The following SLC35D1 variants were observed in gnomAD, a reference collection of about 807,000 sequenced individuals.
The protein encoded by SLC35D1 is solute carrier family 35 member D1.
SLC35D1 carries 31 observed loss-of-function variants against 46.7 expected under a neutral mutation model. That is an observed-to-expected ratio of 0.66 (90% CI 0.50 to 0.90). SLC35D1 has a LOEUF of 0.90. Ranked by LOEUF, SLC35D1 falls within the 40% of genes least tolerant of loss-of-function variation. The pLI is 0.00. For missense variants in SLC35D1, 397 were observed against 426.2 expected, an observed-to-expected ratio of 0.93 and a Z score of 0.60; for synonymous variants, 195 against 164.6, an observed-to-expected ratio of 1.18 and a Z score of -1.41.
chr1:67,051,156 G>A (rs961481175), intron 4 of SLC35D1, among the ~76,000 whole-genome samples: 4 of 152,156 alleles, frequency 2.6e-5, no homozygotes, highest in Non-Finnish European at 5.9e-5. Flanking sequence ...GGAAAAAAAT[G>A]TCCCACCCAT....
At position 67,004,043 on chromosome 1, in the gene SLC35D1, A is replaced by G. The variant is rs1425851320; in HGVS notation, c.*297T>C. On this transcript the variant is annotated 3_prime_UTR_variant, in exon 12 of 12. Coordinates refer to ENST00000235345, the MANE Select transcript of SLC35D1 (RefSeq NM_015139.3). The stretch of plus-strand genomic sequence containing the variant: ...CCTGGATATCAAATTATGAAATAAA[A>G]TACTTTCAAAACACTGATGTTTCAC... 4 of 332,186 alleles carry G rather than the reference A, an allele frequency of 1.2e-5. No individual in the cohort carries two copies. The highest frequency in any genetic ancestry group is 8.5e-5 in the African/African-American group (4 of 47,184). The allele number at this position is 332,186 out of a possible 1,614,324, so 20.6% of individuals were successfully genotyped here.
At chr1:66,993,396 CAA>C in the SLC35D1 span, among the ~76,000 whole-genome samples, 12 of 152,202 alleles carry the variant, frequency 7.9e-5, no homozygotes, top group Non-Finnish European at 5.9e-5. Context: ...GGACTGAAGA[CAA>C]GAGTCCCTCT....
chr1:67,050,543 A>G, intron 4 of SLC35D1, 39 bp from the exon 5 acceptor site: 4 of 1,547,150 alleles, frequency 2.6e-6, no homozygotes, highest in Non-Finnish European at 3.6e-6. Flanking sequence ...ATAGAATTTA[A>G]CAATTTGTTT....
At chr1:66,989,208 A>AT in the SLC35D1 span, among the ~76,000 whole-genome samples, 1 of 152,112 alleles carries the variant, frequency 6.6e-6, no homozygotes, top group Non-Finnish European at 1.5e-5. Flanking sequence ...ACTATTTATT[A>AT]GGTGGAGAAT....
At chr1:66,997,406 G>A (rs993554159), downstream of SLC35D1, among the ~76,000 whole-genome samples, 8 of 150,576 alleles carry the variant, frequency 5.3e-5, no homozygotes, top group African/African-American at 2.0e-4. Flanking sequence ...AGGAGGCTAG[G>A]GTAGGAGAAT....
At chr1:66,989,982 T>A in the SLC35D1 span, among the ~76,000 whole-genome samples, 1 of 152,218 alleles carries the variant, frequency 6.6e-6, no homozygotes, top group Non-Finnish European at 1.5e-5. Context: ...TGAGTGAACA[T>A]GAGAAACTAG....
the SLC35D1 span, chr1:66,986,550 T>G: frequency 9.1e-7 from 1 of 1,102,664 alleles, no homozygotes; most frequent in East Asian, 2.4e-5. Context: ...AAATTAGCAT[T>G]CAGGCCTTAC....
chr1:66,979,257 T>C, the SLC35D1 span, among the ~76,000 whole-genome samples: 1 of 152,206 alleles, frequency 6.6e-6, no homozygotes, highest in Non-Finnish European at 1.5e-5. Flanking sequence ...TACCATCTCT[T>C]TCTGTTAATA....
At chr1:66,973,965 G>T in the SLC35D1 span, among the ~76,000 whole-genome samples, 25 of 152,154 alleles carry the variant, frequency 1.6e-4, no homozygotes, top group Admixed American at 1.2e-3. Context: ...ACATTTGGAT[G>T]TGATTGGATT....
intron 11 of SLC35D1, chr1:67,008,350 G>T: frequency 9.0e-7 from 1 of 1,109,310 alleles, no homozygotes; most frequent in Non-Finnish European, 1.2e-6. Flanking sequence ...TGTTGGCCAG[G>T]GTGGTCTTGA....
In SLC35D1 at chr1:67,053,427, T is replaced by G. The variant is rs530625316; in HGVS notation, c.203+384A>C. Among the ~76,000 whole-genome samples, 16 of 152,256 alleles carry G rather than the reference T, an allele frequency of 1.1e-4. 1 individual carries two copies. In the South Asian group the frequency reaches 3.1e-3, roughly 30 times the overall value. The stretch of plus-strand genomic sequence containing the variant: ...GGGACACTGAAGCCCCGGCCCCCTG[T>G]CCAGGCTGCGGAGGAGGGAGGCTTC... On this transcript the variant is annotated intron_variant, in intron 1 of 11. Transcript: ENST00000235345.
chr1:67,014,377 T>C (rs975451), intron 10 of SLC35D1, among the ~76,000 whole-genome samples: 117,823 of 152,142 alleles, frequency 0.77, 45,916 homozygotes, highest in South Asian at 0.88. Context: ...TTTTCACTTA[T>C]GAATACAAAG....
At chr1:67,014,759 T>C (rs532777833) in intron 10 of SLC35D1, among the ~76,000 whole-genome samples, 1 of 145,550 alleles carries the variant, frequency 6.9e-6, no homozygotes, top group Non-Finnish European at 1.5e-5. Context: ...ACAGAACTGT[T>C]ACTTCTATAA....
At chr1:67,049,110 T>C (rs948865070) in intron 6 of SLC35D1, among the ~76,000 whole-genome samples, 4 of 152,044 alleles carry the variant, frequency 2.6e-5, no homozygotes, top group African/African-American at 9.7e-5. Context: ...CTGGCTAACA[T>C]GGTGAAACTC....
At position 67,004,280 on chromosome 1, in the gene SLC35D1, G is replaced by T; in HGVS notation, c.*60C>A. The T allele has an allele frequency of 1.5e-6, 2 of 1,373,566 alleles. No homozygotes were observed. Among genetic ancestry groups the T allele is most frequent in the Non-Finnish European group, 1.0e-6 (1 of 961,814 alleles). The allele number at this position is 1,373,566 out of a possible 1,614,324, so 85.1% of individuals were successfully genotyped here. On this transcript the variant is annotated 3_prime_UTR_variant, in exon 12 of 12. Coordinates refer to ENST00000235345, the MANE Select transcript of SLC35D1 (RefSeq NM_015139.3). Reference sequence around the variant, plus strand: ...ACACCTCAGTGTCTCTGTAGGAACTGCCAGTGTTCTGAGTTGATTAAAAAC... The same window carrying T: ...ACACCTCAGTGTCTCTGTAGGAACTTCCAGTGTTCTGAGTTGATTAAAAAC...
chr1:66,992,800 T>C, the SLC35D1 span, among the ~76,000 whole-genome samples: 1 of 152,364 alleles, frequency 6.6e-6, no homozygotes, highest in Non-Finnish European at 1.5e-5. Context: ...TTGGGGAAGA[T>C]GCATTCCCTC....
At chr1:67,015,089 C>A (rs1570613124) in intron 10 of SLC35D1, among the ~76,000 whole-genome samples, 2 of 134,828 alleles carry the variant, frequency 1.5e-5, no homozygotes, top group African/African-American at 2.8e-5. Flanking sequence ...ATTCCATACG[C>A]AAAGTATATT....
At chr1:66,976,590 T>TAA in the SLC35D1 span, 1 of 1,563,190 alleles carries the variant, frequency 6.4e-7, no homozygotes, top group Non-Finnish European at 8.6e-7. Flanking sequence ...ATTTGTTTCT[T>TAA]ACAGGTCCGA....
rs566409376 is a variant in SLC35D1, at chr1:67,031,971, T to G, written c.729+10265A>C. ...AAAACATTTAAAATGAAACAAAACTTCTGCTTCTAGAGAAAGCTCTGATAA... is the reference window on the plus strand; with the variant it reads ...AAAACATTTAAAATGAAACAAAACTGCTGCTTCTAGAGAAAGCTCTGATAA... On this transcript the variant is annotated intron_variant, in intron 8 of 11. Coordinates refer to ENST00000235345, the MANE Select transcript of SLC35D1 (RefSeq NM_015139.3). The G allele has an allele frequency of 3.8e-5, 29 of 772,000 alleles. No homozygotes were observed. In the African/African-American group the frequency reaches 4.5e-4, roughly 12 times the overall value. 47.8% of individuals were successfully genotyped at this position (772,000 alleles called of 1,614,324 possible). A position where few individuals can be genotyped will look rare whatever the true frequency, so the allele number is the denominator to read the frequency against.
Sources: allele counts gnomAD v4.1 joint callset (sites outside exome capture counted in the v4.1 genomes callset), GRCh38; gene constraint gnomAD v4.1.1; transcripts MANE v1.5; gene names NCBI Gene and HGNC (gene_info 2026-07-23, HGNC 2026-07-21).